ASB7: variants seen among roughly 807,000 people sequenced by gnomAD.
ASB7 encodes the protein ankyrin repeat and SOCS box containing 7, also known as ankyrin repeat and SOCS box protein 7.
In ASB7, 4 loss-of-function variants were observed where a neutral mutation model predicts 32.5. The ratio of observed to expected loss-of-function variants is 0.12; its 90% CI spans 0.06 to 0.28. The LOEUF is 0.28. ASB7 is among the 10% of genes least tolerant of loss of function. ASB7 has a pLI of 1.00. For missense variants in ASB7, 181 were observed against 407.1 expected (o/e 0.44, Z 4.78); for synonymous variants, 172 against 155.6 (o/e 1.11, Z -0.78).
At chr15:100,648,299 A>G in intron 5 of ASB7, 24 bp from the exon 6 acceptor site, 1 of 1,566,060 alleles carries the variant, frequency 6.4e-7, no homozygotes, top group Non-Finnish European at 8.6e-7. Flanking sequence ...GCTTTGTAAC[A>G]TTTTCTTTTT....
Position 100,648,377 on chromosome 15 carries a change from G to T in ASB7, c.872G>T (p.Gly291Val). Residue 291 changes from glycine (G) to valine (V), a missense_variant, in exon 6 of 6, where the codon GGC (glycine) becomes GTC (valine). Transcript: ENST00000332783. ...LCRIKIRQCI[G>V]LQNLKLLDEL... ...CGAATTAAAATTCGACAATGTATAG[G>T]CCTTCAAAACCTAAAGCTACTTGAT... 6.2e-7 allele frequency: 1 copy of T among 1,611,570 alleles called. No individual in the cohort carries two copies. Among genetic ancestry groups the T allele is most frequent in the Non-Finnish European group, 8.5e-7 (1 of 1,178,092 alleles).
chr15:100,614,563 C>G (rs2039725205), intron 4 of ASB7, among the ~76,000 whole-genome samples: 1 of 151,904 alleles, frequency 6.6e-6, no homozygotes, highest in South Asian at 2.1e-4. Context: ...ATGGGTGTGG[C>G]TGTGTTCCAG....
rs541468672 is a variant in ASB7, at chr15:100,619,941, G to C, written c.211+7514G>C. On this transcript the variant is annotated intron_variant, in intron 4 of 5. Transcript: ENST00000332783. ...TGGCTCTCTTTCTAGTTTAATCTAA[G>C]CCTGTGCTGTCCATAGCAGGTGTGG... is the stretch of plus-strand genomic sequence containing the variant. 2.0e-5 allele frequency among the ~76,000 whole-genome samples: 3 copies of C among 152,362 alleles called. No homozygotes were observed. In the South Asian group the frequency reaches 6.2e-4, roughly 32 times the overall value.
chr15:100,630,101 C>G (rs1290202217), intron 5 of ASB7, 59 bp downstream of exon 5: 1 of 1,452,366 alleles, frequency 6.9e-7, no homozygotes, highest in Admixed American at 2.6e-5. Flanking sequence ...TTCTGAGGAG[C>G]TTAATGTGTT....
intron 4 of ASB7, among the ~76,000 whole-genome samples, chr15:100,622,771 A>G (rs1180817384): frequency 6.6e-6 from 1 of 152,224 alleles, no homozygotes; most frequent in Non-Finnish European, 1.5e-5. Flanking sequence ...GTCTCTCACC[A>G]TATGCAAAAC....
chr15:100,631,118 T>G (rs1408424260), intron 5 of ASB7, among the ~76,000 whole-genome samples: 1 of 152,188 alleles, frequency 6.6e-6, no homozygotes, highest in South Asian at 2.1e-4. Context: ...ATGCAATTAT[T>G]ATCACTAATG....
At chr15:100,620,523 TATA>T (rs2039781810) in intron 4 of ASB7, among the ~76,000 whole-genome samples, 1 of 81,530 alleles carries the variant, frequency 1.2e-5, no homozygotes, top group Admixed American at 1.2e-4. Flanking sequence ...ATGGGATGCA[TATA>T]ATAGCACATC....
intron 4 of ASB7, among the ~76,000 whole-genome samples, chr15:100,625,822 C>T (rs2039832343): frequency 3.9e-5 from 6 of 152,148 alleles, no homozygotes; most frequent in African/African-American, 1.4e-4. Context: ...TATGGAGAGA[C>T]TTTTAGGTCA....
At chr15:100,609,074 C>T (rs557478934) in intron 2 of ASB7, among the ~76,000 whole-genome samples, 2 of 152,238 alleles carry the variant, frequency 1.3e-5, no homozygotes, top group Non-Finnish European at 2.9e-5. Flanking sequence ...AAGAAAGATC[C>T]CTTTTCTTTT....
Position 100,611,942 on chromosome 15 carries a change from C to T in ASB7, c.-51-224C>T, listed in dbSNP as rs868003465. Among the ~76,000 whole-genome samples, 11 of 151,836 alleles carry T rather than the reference C, an allele frequency of 7.2e-5. 1 individual carries two copies. The South Asian group carries it at 1.9e-3, about 26-fold the overall frequency. ...TCAGGTCGTCCTCCCACCTCAGCCT[C>T]CCAAGTAGCTGGGACTGATCCCCTG... is the stretch of plus-strand genomic sequence containing the variant. On this transcript the variant is annotated intron_variant, in intron 3 of 5. Coordinates refer to ENST00000332783, the MANE Select transcript of ASB7 (RefSeq NM_198243.3).
chr15:100,615,673 C>T (rs776013039), intron 4 of ASB7, among the ~76,000 whole-genome samples: 3 of 152,158 alleles, frequency 2.0e-5, no homozygotes, highest in East Asian at 1.9e-4. Context: ...TCTCTTTCAC[C>T]GGTTTCTTTT....
At chr15:100,615,573 C>CAT (rs1373875699) in intron 4 of ASB7, among the ~76,000 whole-genome samples, 1 of 152,170 alleles carries the variant, frequency 6.6e-6, no homozygotes, top group Non-Finnish European at 1.5e-5. Flanking sequence ...GTAGTGCATA[C>CAT]ATACATGGTT....
At chr15:100,613,631 G>C (rs938861025) in intron 4 of ASB7, among the ~76,000 whole-genome samples, 6 of 152,200 alleles carry the variant, frequency 3.9e-5, no homozygotes, top group Non-Finnish European at 7.3e-5. Context: ...AAAAGTAAAA[G>C]GTGGGTGTAA....
intron 2 of ASB7, among the ~76,000 whole-genome samples, chr15:100,609,163 A>G (rs559567376): frequency 1.4e-4 from 21 of 152,236 alleles, no homozygotes; most frequent in Non-Finnish European, 2.5e-4. Context: ...AGTTCGGTGT[A>G]TGCATAAAGG....
intron 5 of ASB7, among the ~76,000 whole-genome samples, chr15:100,635,641 C>G (rs1473289311): frequency 6.6e-6 from 1 of 152,202 alleles, no homozygotes; most frequent in African/African-American, 2.4e-5. Context: ...CGGCTTTCAT[C>G]CTCTGTTACA....
At chr15:100,619,830 T>C (rs1209348355) in intron 4 of ASB7, among the ~76,000 whole-genome samples, 4 of 152,226 alleles carry the variant, frequency 2.6e-5, no homozygotes, top group Non-Finnish European at 5.9e-5. Flanking sequence ...CCACACTTGC[T>C]GCTGCTTCTG....
chr15:100,629,786 C>T lies in ASB7; in HGVS notation c.561C>T (p.Ala187=), dbSNP rs113249058. The T allele has an allele frequency of 1.6e-4, 266 of 1,614,182 alleles. 1 individual carries two copies. The African/African-American group carries it at 3.0e-3, about 18-fold the overall frequency. The change falls in exon 5 of 6, where the codon GCC becomes GCT. Residue 187 remains alanine (A), a synonymous_variant. Coordinates refer to ENST00000332783, the MANE Select transcript of ASB7 (RefSeq NM_198243.3). This position sits in a 1 kb window ranked among gnomAD's most constrained non-coding sequence, Gnocchi z 6.8. ...DIQNGFLLRY[A]VIKSNHSYCR... is the part of the protein sequence containing the mutation. The stretch of plus-strand genomic sequence containing the variant: ...AGAATGGTTTCCTGTTGCGATACGC[C>T]GTGATCAAAAGCAATCACTCTTATT...
At chr15:100,634,753 G>A (rs2039909963) in intron 5 of ASB7, among the ~76,000 whole-genome samples, 3 of 152,292 alleles carry the variant, frequency 2.0e-5, no homozygotes, top group African/African-American at 4.8e-5. Flanking sequence ...ACAGTGAGCC[G>A]AGATCACGCC....
rs1045039409 is a variant in ASB7 at position 100,622,895 on chromosome 15, C to T, written c.212-6542C>T. 2.6e-5 allele frequency among the ~76,000 whole-genome samples: 4 copies of T among 152,230 alleles called. No homozygotes were observed. The South Asian group carries it at 8.3e-4, about 32-fold the overall frequency. ...TTAGGCAGAGATTTTATGGCTAAGA[C>T]CTCAGAAACACAGACAACTAAAACA... On this transcript the variant is annotated intron_variant, in intron 4 of 5. Coordinates refer to ENST00000332783, the MANE Select transcript of ASB7 (RefSeq NM_198243.3).
Sources: allele counts gnomAD v4.1 joint callset (sites outside exome capture counted in the v4.1 genomes callset), GRCh38; gene constraint gnomAD v4.1.1; non-coding constraint Gnocchi (gnomAD v3.1); transcripts MANE v1.5; gene names NCBI Gene and HGNC (gene_info 2026-07-23, HGNC 2026-07-21).